Variants in CSMD3 observed in about 807,000 individuals in gnomAD.
CSMD3 encodes the protein CUB and Sushi multiple domains 3.
A neutral mutation model predicts 435.2 loss-of-function variants in CSMD3; 177 were observed. The observed-to-expected ratio is 0.41, with a 90% CI of 0.36 to 0.46. The LOEUF (loss-of-function observed/expected upper bound fraction) is 0.46. CSMD3 is among the 20% of genes least tolerant of loss of function. CSMD3 has a pLI of 0.34. For missense variants in CSMD3, 4,265 were observed against 4,504.6 expected, an observed-to-expected ratio of 0.95 and a Z score of 1.52; for synonymous variants, 1,656 against 1,520.5, an observed-to-expected ratio of 1.09 and a Z score of -2.07.
At chr8:112,273,651 G>A (rs556036973) in intron 59 of CSMD3, among the ~76,000 whole-genome samples, 107 of 151,014 alleles carry the variant, frequency 7.1e-4, no homozygotes, top group African/African-American at 2.3e-3. Flanking sequence ...GCGTGAACCC[G>A]GTAGGTGGAG....
At position 112,289,449 on chromosome 8, in the gene CSMD3, T is replaced by C. The variant is rs765750857; in HGVS notation, c.9064A>G (p.Thr3022Ala). ...TFGSTVHYSC[T>A]GKRSLLGQSS... is the part of the protein sequence containing the mutation. ...TGGCCTAAAAGGGAACGCTTTCCTG[T>C]GCAGGAATAGTGAACAGTAGACCCA... The change falls in exon 57 of 71, where the codon ACA becomes GCA. Residue 3022 changes from threonine (T) to alanine (A), a missense_variant. Physicochemically the swap from Thr to Ala is moderately conservative, Grantham distance 58 (BLOSUM62 0). This residue lies in a region of CSMD3 where 3,255 missense variants were observed against 3,380.2 expected (regional missense o/e 0.96). Transcript: ENST00000297405. The C allele has an allele frequency of 1.8e-5, 29 of 1,613,268 alleles. No individual in the cohort carries two copies. Among genetic ancestry groups the C allele is most frequent in the African/African-American group, 2.7e-5 (2 of 74,904 alleles).
chr8:112,573,096 C>G lies in CSMD3; in HGVS notation c.4042+405G>C, dbSNP rs1829666285. Among the ~76,000 whole-genome samples the G allele has an allele frequency of 2.0e-5, 3 of 152,202 alleles. No individual in the cohort carries two copies. The South Asian group carries it at 6.2e-4, about 32-fold the overall frequency. ...TCTTTAGTGTGAAACAACCTGAAGT[C>G]TTTTAGTTATCATTTATAACTGACC... is the stretch of plus-strand genomic sequence containing the variant. On this transcript the variant is annotated intron_variant, in intron 24 of 70. Transcript: ENST00000297405.
chr8:113,179,125 T>TA (rs2092387926), intron 3 of CSMD3, among the ~76,000 whole-genome samples: 2 of 151,816 alleles, frequency 1.3e-5, no homozygotes, highest in East Asian at 1.9e-4. Context: ...AAATTAATTT[T>TA]AAAAAAATTA....
chr8:112,988,075 T>C (rs1040600083), intron 6 of CSMD3, among the ~76,000 whole-genome samples: 1 of 152,018 alleles, frequency 6.6e-6, no homozygotes, highest in African/African-American at 2.4e-5. Context: ...AAGAGGGTCA[T>C]CTGCCTTCAT....
At chr8:112,686,586 A>G (rs1479970305) in intron 14 of CSMD3, among the ~76,000 whole-genome samples, 1 of 151,386 alleles carries the variant, frequency 6.6e-6, no homozygotes, top group Non-Finnish European at 1.5e-5. Context: ...TTCCGGGTTC[A>G]AGAGATTCTC....
chr8:112,731,071 T>C (rs375778820), intron 13 of CSMD3, among the ~76,000 whole-genome samples: 2 of 152,280 alleles, frequency 1.3e-5, no homozygotes, highest in East Asian at 1.9e-4. Context: ...AAGTCCTTTG[T>C]TTGAATTAAT....
chr8:113,293,357 C>A (rs1457424297), intron 2 of CSMD3, among the ~76,000 whole-genome samples: 1 of 151,840 alleles, frequency 6.6e-6, no homozygotes, highest in East Asian at 1.9e-4. Flanking sequence ...GCTATTATTT[C>A]TCCTTTCTCT....
chr8:112,439,830 C>T (rs1403617951), intron 32 of CSMD3, among the ~76,000 whole-genome samples: 1 of 151,178 alleles, frequency 6.6e-6, no homozygotes, highest in African/African-American at 2.4e-5. Flanking sequence ...TACAGGAGAA[C>T]TGCCCCCATG....
At chr8:112,299,522 AT>A (rs1288233154) in intron 53 of CSMD3, among the ~76,000 whole-genome samples, 1 of 152,122 alleles carries the variant, frequency 6.6e-6, no homozygotes, top group East Asian at 1.9e-4. Context: ...TAGATATGTG[AT>A]AAGCAAATAT....
At chr8:112,238,259 G>A (rs192111328) in intron 66 of CSMD3, among the ~76,000 whole-genome samples, 27 of 151,350 alleles carry the variant, frequency 1.8e-4, no homozygotes, top group East Asian at 7.8e-4. Context: ...AGTGGATTTA[G>A]GAAAAAGTCC....
At chr8:112,629,401 TC>T (rs1436506749) in intron 22 of CSMD3, among the ~76,000 whole-genome samples, 1 of 152,086 alleles carries the variant, frequency 6.6e-6, no homozygotes, top group Non-Finnish European at 1.5e-5. Flanking sequence ...ATTATTTTGC[TC>T]AGGCTGTTCT....
chr8:112,863,429 A>G (rs1002721861), intron 10 of CSMD3, among the ~76,000 whole-genome samples: 1 of 151,862 alleles, frequency 6.6e-6, no homozygotes, highest in Admixed American at 6.6e-5. Flanking sequence ...CATTTATATT[A>G]TATTTATATA....
intron 6 of CSMD3, among the ~76,000 whole-genome samples, chr8:112,990,102 T>C (rs2085397233): frequency 6.6e-6 from 1 of 151,930 alleles, no homozygotes; most frequent in Non-Finnish European, 1.5e-5. Context: ...CACGTGGAAA[T>C]GTGAGTCAAT....
At chr8:113,246,476 G>A (rs969519046) in intron 3 of CSMD3, among the ~76,000 whole-genome samples, 6 of 151,712 alleles carry the variant, frequency 4.0e-5, no homozygotes, top group Admixed American at 1.3e-4. Context: ...AATCATTCTC[G>A]TTCTTCCACT....
At position 112,243,427 on chromosome 8, in the gene CSMD3, C is replaced by T. The variant is rs185919277; in HGVS notation, c.10402+967G>A. On this transcript the variant is annotated intron_variant, in intron 65 of 70. Transcript: ENST00000297405. ...TTACCAAAAACACTAGAAAAAGTTC[C>T]TTTACTCCTTCTTCTGGCATTATAA... 4.3e-4 allele frequency among the ~76,000 whole-genome samples: 66 copies of T among 152,134 alleles called. 1 individual carries two copies. Among genetic ancestry groups the T allele is most frequent in the Middle Eastern group, 3.4e-3 (1 of 294 alleles).
chr8:112,638,288 C>T (rs924551894), intron 21 of CSMD3, among the ~76,000 whole-genome samples: 4 of 149,698 alleles, frequency 2.7e-5, no homozygotes, highest in African/African-American at 7.3e-5. Context: ...TTCCTAGACA[C>T]ATAAAACAAG....
intron 1 of CSMD3, among the ~76,000 whole-genome samples, chr8:113,386,697 T>C (rs1317559942): frequency 1.3e-5 from 2 of 151,826 alleles, no homozygotes; most frequent in Non-Finnish European, 2.9e-5. Context: ...CATTCACCAA[T>C]CTTCTTAAAA....
At chr8:112,401,504 A>ATTT (rs1487335226) in intron 35 of CSMD3, among the ~76,000 whole-genome samples, 1 of 152,146 alleles carries the variant, frequency 6.6e-6, no homozygotes, top group Admixed American at 6.5e-5. Flanking sequence ...GCAGAGCATA[A>ATTT]ACATTGGTTA....
At chr8:113,424,732 A>G (rs565958639) in intron 1 of CSMD3, among the ~76,000 whole-genome samples, 82 of 151,752 alleles carry the variant, frequency 5.4e-4, no homozygotes, top group African/African-American at 1.9e-3. Flanking sequence ...GGGAGTCAAT[A>G]AACATTTTAA....
Sources: allele counts gnomAD v4.1 joint callset (sites outside exome capture counted in the v4.1 genomes callset), GRCh38; gene constraint gnomAD v4.1.1; regional missense constraint gnomAD v4.1.1; transcripts MANE v1.5; gene names NCBI Gene and HGNC (gene_info 2026-07-23, HGNC 2026-07-21).